RGS10: variants seen among roughly 807,000 people sequenced by gnomAD.
RGS10 encodes regulator of G protein signaling 10, also known as regulator of G-protein signalling 10.
RGS10 carries 11 observed loss-of-function variants against 23.5 expected under a neutral mutation model. That is an observed-to-expected ratio of 0.47 (90% CI 0.29 to 0.77). The LOEUF (loss-of-function observed/expected upper bound fraction) is 0.77, where lower values mean the gene tolerates loss of function less well. Among genes scored for constraint, RGS10 ranks in the 30% least tolerant of loss-of-function variants. The pLI is 0.08. For synonymous variants in RGS10, 77 were observed against 83.2 expected, an observed-to-expected ratio of 0.92 and a Z score of 0.41; for missense variants, 180 against 226.3, an observed-to-expected ratio of 0.80 and a Z score of 1.31.
chr10:119,508,555 G>C (rs78706730), intron 4 of RGS10, among the ~76,000 whole-genome samples: 6,741 of 152,334 alleles, frequency 0.044, 280 homozygotes, highest in East Asian at 0.21. Context: ...AAATGTGCCA[G>C]AGGAGAATTT....
chr10:119,518,867 G>A (rs1346505099), intron 3 of RGS10, among the ~76,000 whole-genome samples: 2 of 152,076 alleles, frequency 1.3e-5, no homozygotes, highest in African/African-American at 4.8e-5. Flanking sequence ...ACCACGCCCG[G>A]CTAATTTTTT....
In RGS10 at chr10:119,500,128, T is replaced by A. The variant is rs1843935128; in HGVS notation, c.531A>T (p.Arg177Ser). The A allele has an allele frequency of 6.2e-7, 1 of 1,613,696 alleles. No homozygotes were observed. The highest frequency in any genetic ancestry group is 1.3e-5 in the African/African-American group (1 of 75,022). ...DAQTAAKRAS[R>S]IYNT is the part of the protein sequence containing the mutation. ...TTTTGGGGGCTCATGTGTTATAAATTCTGGAAGCTCTTTTAGCTGCAGTTT... is the reference window on the plus strand; with the variant it reads ...TTTTGGGGGCTCATGTGTTATAAATACTGGAAGCTCTTTTAGCTGCAGTTT... Residue 177 changes from arginine to serine, a missense_variant, in exon 5 of 5, where the codon AGA (arginine) becomes AGT (serine). By Grantham distance (110) the Arg-to-Ser change is moderately radical (BLOSUM62 -1). Coordinates refer to ENST00000369103, the MANE Select transcript of RGS10 (RefSeq NM_001005339.2).
intron 1 of RGS10, 143 bp downstream of exon 1, chr10:119,542,447 G>T: frequency 6.4e-6 from 4 of 626,284 alleles, no homozygotes; most frequent in Non-Finnish European, 9.5e-6. Context: ...GCGGTACCCA[G>T]CGGGGAGAGG....
At chr10:119,504,210 G>A (rs1297973781) in intron 4 of RGS10, among the ~76,000 whole-genome samples, 1 of 152,220 alleles carries the variant, frequency 6.6e-6, no homozygotes, top group Admixed American at 6.5e-5. Flanking sequence ...GCTTTTTTGA[G>A]ATGGAGTCCC....
chr10:119,512,588 C>T (rs1169643288), intron 4 of RGS10, among the ~76,000 whole-genome samples: 1 of 152,096 alleles, frequency 6.6e-6, no homozygotes, highest in Admixed American at 6.5e-5. Context: ...CACTCTGTCG[C>T]TCAGGCTGGA....
intron 3 of RGS10, among the ~76,000 whole-genome samples, chr10:119,518,032 C>T (rs1844166306): frequency 6.6e-6 from 1 of 152,298 alleles, no homozygotes; most frequent in East Asian, 1.9e-4. Flanking sequence ...AAGCCAGTCA[C>T]GGGAAGGCCT....
At chr10:119,516,669 G>A (rs1844148042) in intron 3 of RGS10, among the ~76,000 whole-genome samples, 1 of 152,196 alleles carries the variant, frequency 6.6e-6, no homozygotes, top group Non-Finnish European at 1.5e-5. Flanking sequence ...TGGGAAGCAG[G>A]AGCCGTGAGT....
intron 4 of RGS10, among the ~76,000 whole-genome samples, chr10:119,503,339 C>CA (rs550253387): frequency 0.021 from 2,192 of 103,412 alleles, 34 homozygotes; most frequent in South Asian, 0.036. Flanking sequence ...GACCCTGTCT[C>CA]AAAAAAAAAA....
chr10:119,523,697 AG>A (rs1434984836), intron 3 of RGS10, among the ~76,000 whole-genome samples: 1 of 152,198 alleles, frequency 6.6e-6, no homozygotes, highest in Admixed American at 6.5e-5. Flanking sequence ...GCTGGATGTC[AG>A]GGGTACAGGC....
chr10:119,518,778 C>T (rs1311790952), intron 3 of RGS10, among the ~76,000 whole-genome samples: 1 of 151,888 alleles, frequency 6.6e-6, no homozygotes, highest in Non-Finnish European at 1.5e-5. Context: ...GATCTCGGCT[C>T]ACTGCAAGCT....
At chr10:119,521,402 C>T (rs1487468857) in intron 3 of RGS10, among the ~76,000 whole-genome samples, 1 of 151,818 alleles carries the variant, frequency 6.6e-6, no homozygotes. Flanking sequence ...GAAACCCCAT[C>T]TCTACTAAAA....
At position 119,538,445 on chromosome 10, in the gene RGS10, G is replaced by T. The variant is rs1384132172; in HGVS notation, c.49+4145C>A. On this transcript the variant is annotated intron_variant, in intron 1 of 4. Coordinates refer to ENST00000369103, the MANE Select transcript of RGS10 (RefSeq NM_001005339.2). This position sits in a 1 kb window ranked among gnomAD's most constrained non-coding sequence, Gnocchi z 4.5. ...GGTGGGAGGCAGCGAGGCCTAGAAG[G>T]GTGGGTCTGTTGGAGCAGGGGGACC... Among the ~76,000 whole-genome samples the T allele has an allele frequency of 6.6e-6, 1 of 152,182 alleles. No individual in the cohort carries two copies. Among genetic ancestry groups the T allele is most frequent in the Non-Finnish European group, 1.5e-5 (1 of 68,024 alleles).
intron 3 of RGS10, among the ~76,000 whole-genome samples, chr10:119,523,348 C>T: frequency 6.6e-6 from 1 of 152,156 alleles, no homozygotes; most frequent in East Asian, 1.9e-4. Flanking sequence ...GCATTCCAGG[C>T]TTAAGGACAC....
intron 1 of RGS10, among the ~76,000 whole-genome samples, chr10:119,541,263 C>A: frequency 6.6e-6 from 1 of 152,198 alleles, no homozygotes; most frequent in East Asian, 1.9e-4. Context: ...AACATTAACA[C>A]CCACAAGGGA....
chr10:119,534,181 G>T (rs11199002), intron 1 of RGS10, among the ~76,000 whole-genome samples: 6 of 151,016 alleles, frequency 4.0e-5, no homozygotes, highest in African/African-American at 1.5e-4. Flanking sequence ...ACTTGAACCC[G>T]GGAGGCGGAG....
intron 4 of RGS10, among the ~76,000 whole-genome samples, chr10:119,512,544 A>T (rs1564710081): frequency 1.5e-5 from 1 of 65,014 alleles, no homozygotes. Context: ...TCTCTATGCA[A>T]TTAAAAAAAA....
chr10:119,501,937 G>C (rs1427009970), intron 4 of RGS10, among the ~76,000 whole-genome samples: 1 of 151,868 alleles, frequency 6.6e-6, no homozygotes, highest in Non-Finnish European at 1.5e-5. Flanking sequence ...GAAAGACCTG[G>C]GACTTTAGGT....
intron 1 of RGS10, among the ~76,000 whole-genome samples, chr10:119,533,242 G>A (rs1227940050): frequency 2.6e-5 from 4 of 151,054 alleles, no homozygotes; most frequent in African/African-American, 9.8e-5. Flanking sequence ...TGAGGCAGGA[G>A]AATTGTTTGA....
Position 119,542,584 on chromosome 10 carries a change from G to T in RGS10, c.49+6C>A. The stretch of plus-strand genomic sequence containing the variant: ...CCCGAGCCCGCGGGCCCCCGAAGCC[G>T]CTTACCTGACGGCGGCCGCTTCCTG... On this transcript the variant is annotated splice_donor_region_variant and intron_variant, in intron 1 of 4. Transcript: ENST00000369103. The T allele has an allele frequency of 1.4e-6, 2 of 1,422,396 alleles. No individual in the cohort carries two copies. The highest frequency in any genetic ancestry group is 9.2e-7 in the Non-Finnish European group (1 of 1,086,456). 88.1% of individuals were successfully genotyped at this position (1,422,396 alleles called of 1,614,324 possible). A position where few individuals can be genotyped will look rare whatever the true frequency, so the allele number is the denominator to read the frequency against.
Sources: gnomAD v4.1 joint callset for allele counts (sites outside exome capture counted in the v4.1 genomes callset) on GRCh38, gnomAD v4.1.1 for gene constraint, Gnocchi (gnomAD v3.1) non-coding constraint, MANE v1.5 for transcripts, NCBI Gene and HGNC (gene_info 2026-07-23, HGNC 2026-07-21) for gene names.